STC1: variants seen among roughly 807,000 people sequenced by gnomAD.
The protein encoded by STC1 is stanniocalcin 1.
A neutral mutation model predicts 22.6 loss-of-function variants in STC1; 7 were observed. The observed-to-expected ratio is 0.31, with a 90% confidence interval of 0.18 to 0.58. STC1 has a LOEUF of 0.58. Among genes scored for constraint, STC1 ranks in the 20% least tolerant of loss-of-function variants. The pLI is 0.89. For synonymous variants in STC1, 113 were observed against 120.7 expected (o/e 0.94, Z 0.42); for missense variants, 224 against 311.0 (o/e 0.72, Z 2.10).
chr8:23,851,055 G>A (rs1802632132), intron 3 of STC1, among the ~76,000 whole-genome samples: 1 of 151,420 alleles, frequency 6.6e-6, no homozygotes, highest in African/African-American at 2.4e-5. Flanking sequence ...GTCAATGAAA[G>A]CACCCAGGGA....
chr8:23,847,111 A>C (rs1228163132), intron 3 of STC1, among the ~76,000 whole-genome samples: 1 of 152,264 alleles, frequency 6.6e-6, no homozygotes, highest in East Asian at 1.9e-4. Flanking sequence ...ATGAGTCCCC[A>C]GATAGGCTGG....
chr8:23,847,704 A>C (rs928135850), intron 3 of STC1, among the ~76,000 whole-genome samples: 3 of 152,190 alleles, frequency 2.0e-5, no homozygotes, highest in Non-Finnish European at 4.4e-5. Flanking sequence ...TCACTAAGTG[A>C]GATGGATTAT....
chr8:23,845,508 G>A (rs1345071891), intron 3 of STC1, among the ~76,000 whole-genome samples: 1 of 152,048 alleles, frequency 6.6e-6, no homozygotes, highest in Non-Finnish European at 1.5e-5. Flanking sequence ...TAATTATTTT[G>A]ATGCTTTTTT....
chr8:23,847,067 C>T (rs987515030), intron 3 of STC1, among the ~76,000 whole-genome samples: 2 of 152,190 alleles, frequency 1.3e-5, no homozygotes, highest in African/African-American at 4.8e-5. Flanking sequence ...TAGAAGTTAA[C>T]CCTTCCATTT....
At position 23,854,625 on chromosome 8, in the gene STC1, CTGAA is replaced by C; in HGVS notation, c.-106_-103del. 2 of 1,020,348 alleles carry C rather than the reference CTGAA, an allele frequency of 2.0e-6. No individual in the cohort carries two copies. The highest frequency in any genetic ancestry group is 1.6e-6 in the Non-Finnish European group (1 of 644,666). 63.2% of individuals were successfully genotyped at this position (1,020,348 alleles called of 1,614,324 possible). On this transcript the variant is annotated 5_prime_UTR_variant, in exon 1 of 4. Coordinates refer to ENST00000290271, the MANE Select transcript of STC1 (RefSeq NM_003155.3). ...GAGTGAAGATGTGGATCTGGATACA[CTGAA>C]AGCTTAGGTGAGGATTTGATGAGGA...
Position 23,854,392 on chromosome 8 carries a change from G to C in STC1, c.118+14C>G. The C allele has an allele frequency of 6.2e-7, 1 of 1,610,938 alleles. No homozygotes were observed. The highest frequency in any genetic ancestry group is 8.5e-7 in the Non-Finnish European group (1 of 1,177,180). The stretch of plus-strand genomic sequence containing the variant: ...CTCTTTGGGGGAGAAACCGCTCTTG[G>C]GTTTGCTGCTTACCTGAGTTTTGAG... On this transcript the variant is annotated intron_variant, in intron 1 of 3. Transcript: ENST00000290271.
Position 23,844,685 on chromosome 8 carries a change from A to T in STC1, c.*85T>A. The T allele has an allele frequency of 6.7e-7, 1 of 1,503,342 alleles. No individual in the cohort carries two copies. The highest frequency in any genetic ancestry group is 9.0e-7 in the Non-Finnish European group (1 of 1,111,784). The allele number at this position is 1,503,342 out of a possible 1,614,324, so 93.1% of individuals were successfully genotyped here. On this transcript the variant is annotated 3_prime_UTR_variant, in exon 4 of 4. Transcript: ENST00000290271. ...ATAGGAACTACTTTAAAAAAATCAAACCAGGCACAGTACACTCAAAACTGG... is the reference window on the plus strand; with the variant it reads ...ATAGGAACTACTTTAAAAAAATCAATCCAGGCACAGTACACTCAAAACTGG...
chr8:23,853,931 C>G (rs1802667565), intron 1 of STC1: 2 of 770,286 alleles, frequency 2.6e-6, no homozygotes, highest in African/African-American at 3.8e-5. Flanking sequence ...TTCTGAAAAT[C>G]AGTCTGAAGA....
chr8:23,854,241 G>C (rs1039444401), intron 1 of STC1, 165 bp downstream of exon 1: 1 of 941,178 alleles, frequency 1.1e-6, no homozygotes, highest in African/African-American at 1.7e-5. Flanking sequence ...ATTAAACAAA[G>C]GAGCTCCACT....
chr8:23,846,205 AC>A (rs1585305449), intron 3 of STC1, among the ~76,000 whole-genome samples: 1 of 151,846 alleles, frequency 6.6e-6, no homozygotes. Flanking sequence ...TTCTTTAAAT[AC>A]CCCCAAGCAA....
In STC1 at chr8:23,842,633, T is replaced by A. The variant is rs963921530; in HGVS notation, c.*2137A>T. The A allele has an allele frequency of 6.6e-6, 1 of 152,392 alleles. No individual in the cohort carries two copies. The highest frequency in any genetic ancestry group is 1.5e-5 in the Non-Finnish European group (1 of 68,038). 9.4% of individuals were successfully genotyped at this position (152,392 alleles called of 1,614,324 possible). On this transcript the variant is annotated 3_prime_UTR_variant, in exon 4 of 4. Coordinates refer to ENST00000290271, the MANE Select transcript of STC1 (RefSeq NM_003155.3). ...CAAAATGGACACAACACACAAACTT[T>A]AATAGCTTTTCTGATTCAGAGAAGT...
At position 23,854,771 on chromosome 8, in the gene STC1, A is replaced by ACC; in HGVS notation, c.-249_-248insGG. On this transcript the variant is annotated 5_prime_UTR_variant, in exon 1 of 4. Transcript: ENST00000290271. ...CCGCCGCTGCTGCTGCTGCTGCTGC[A>ACC]GTCGCTGCTTCTTGCACCTCTGGCT... is the stretch of plus-strand genomic sequence containing the variant. 3.3e-6 allele frequency: 2 copies of ACC among 600,172 alleles called. No individual in the cohort carries two copies. Among genetic ancestry groups the ACC allele is most frequent in the Non-Finnish European group, 3.1e-6 (1 of 322,974 alleles). The allele number at this position is 600,172 out of a possible 1,614,324, so 37.2% of individuals were successfully genotyped here.
chr8:23,854,397 G>T lies in STC1; in HGVS notation c.118+9C>A, dbSNP rs1802673999. The T allele has an allele frequency of 1.2e-6, 2 of 1,612,156 alleles. No homozygotes were observed. The highest frequency in any genetic ancestry group is 1.7e-6 in the Non-Finnish European group (2 of 1,178,384). ...TGGGGGAGAAACCGCTCTTGGGTTT[G>T]CTGCTTACCTGAGTTTTGAGCCGCC... On this transcript the variant is annotated intron_variant, in intron 1 of 3. Transcript: ENST00000290271.
rs755376462 is a variant in STC1, at chr8:23,844,787, A to G, written c.727T>C (p.Ser243Pro). Residue 243 changes from serine (S) to proline (P), a missense_variant, in exon 4 of 4, where the codon TCC becomes CCC. Transcript: ENST00000290271. ...CTCCCTGGTTATGCACTCTCATGGGATGTGCGTTTGATGTGGGAGGGAGAG... is the reference window on the plus strand; with the variant it reads ...CTCCCTGGTTATGCACTCTCATGGGGTGTGCGTTTGATGTGGGAGGGAGAG... ...EDSPSHIKRTSHESA is the reference protein window; with the variant it reads ...EDSPSHIKRTPHESA The G allele has an allele frequency of 6.2e-7, 1 of 1,613,958 alleles. No individual in the cohort carries two copies. The highest frequency in any genetic ancestry group is 1.1e-5 in the South Asian group (1 of 91,066).
In STC1 at chr8:23,854,553, GTT is replaced by G. The variant is rs5890129; in HGVS notation, c.-32_-31del. ...TGAGAAGTTTCCGCTAAGTTGTTGG[GTT>G]TTTTTTTTTTCCTGCCCCCCTTTCC... On this transcript the variant is annotated 5_prime_UTR_variant, in exon 1 of 4. Coordinates refer to ENST00000290271, the MANE Select transcript of STC1 (RefSeq NM_003155.3). 6,478 of 1,324,178 alleles carry G rather than the reference GTT, an allele frequency of 4.9e-3. 15 individuals carry two copies. The highest frequency in any genetic ancestry group is 5.8e-3 in the Non-Finnish European group (5,534 of 961,562). 82.0% of individuals were successfully genotyped at this position (1,324,178 alleles called of 1,614,324 possible). A position where few individuals can be genotyped will look rare whatever the true frequency, so the allele number is the denominator to read the frequency against.
chr8:23,846,188 C>T (rs1802571216), intron 3 of STC1, among the ~76,000 whole-genome samples: 1 of 152,100 alleles, frequency 6.6e-6, no homozygotes, highest in African/African-American at 2.4e-5. Context: ...TTCATCTTTG[C>T]AGCGAATTCT....
intron 1 of STC1, 193 bp downstream of exon 1, chr8:23,854,212 GT>G: frequency 4.6e-6 from 5 of 1,077,058 alleles, no homozygotes; most frequent in Non-Finnish European, 6.4e-6. Context: ...CAGCTTCTTC[GT>G]TTAGTTGCAT....
At position 23,854,627 on chromosome 8, in the gene STC1, G is replaced by A. The variant is rs1802677487; in HGVS notation, c.-104C>T. 4.0e-6 allele frequency: 4 copies of A among 990,284 alleles called. No homozygotes were observed. The highest frequency in any genetic ancestry group is 6.5e-6 in the Non-Finnish European group (4 of 617,770). 61.3% of individuals were successfully genotyped at this position (990,284 alleles called of 1,614,324 possible). On this transcript the variant is annotated 5_prime_UTR_variant, in exon 1 of 4. Coordinates refer to ENST00000290271, the MANE Select transcript of STC1 (RefSeq NM_003155.3). ...GTGAAGATGTGGATCTGGATACACTGAAAGCTTAGGTGAGGATTTGATGAG... is the reference window on the plus strand; with the variant it reads ...GTGAAGATGTGGATCTGGATACACTAAAAGCTTAGGTGAGGATTTGATGAG...
intron 1 of STC1, 115 bp downstream of exon 1, chr8:23,854,291 C>A: frequency 9.5e-7 from 1 of 1,049,392 alleles, no homozygotes; most frequent in Admixed American, 2.1e-5. Flanking sequence ...TTATTGCCAT[C>A]AGGCATGAAG....
Sources: allele counts gnomAD v4.1 joint callset (sites outside exome capture counted in the v4.1 genomes callset), GRCh38; gene constraint gnomAD v4.1.1; transcripts MANE v1.5; gene names NCBI Gene and HGNC (gene_info 2026-07-23, HGNC 2026-07-21).